Variants in TMEM87B observed in about 807,000 individuals in gnomAD.
TMEM87B encodes the protein transmembrane protein 87B.
A neutral mutation model predicts 80.3 loss-of-function variants in TMEM87B; 83 were observed. The ratio of observed to expected loss-of-function variants is 1.03; its 90% CI spans 0.87 to 1.24. TMEM87B has a LOEUF of 1.24. TMEM87B is among the 50% of genes most tolerant of loss of function. The probability of loss-of-function intolerance (pLI) is 0.00; values close to 1 mark genes in which losing one functional copy is unlikely to be tolerated. For missense variants in TMEM87B, 625 were observed against 674.4 expected, an observed-to-expected ratio of 0.93 and a Z score of 0.81; for synonymous variants, 219 against 230.5, an observed-to-expected ratio of 0.95 and a Z score of 0.45.
chr2:112,071,071 C>T (rs1344443455), intron 4 of TMEM87B, among the ~76,000 whole-genome samples: 20 of 151,888 alleles, frequency 1.3e-4, no homozygotes, highest in Admixed American at 2.0e-4. Flanking sequence ...ATGATCCACC[C>T]GCCTCGGCCT....
At chr2:112,079,968 C>T in intron 6 of TMEM87B, among the ~76,000 whole-genome samples, 1 of 121,846 alleles carries the variant, frequency 8.2e-6, no homozygotes, top group Admixed American at 1.1e-4. Flanking sequence ...TTCGCTCTGT[C>T]ACCCAGGCTG....
At chr2:112,083,064 A>C (rs1679046744) in intron 8 of TMEM87B, among the ~76,000 whole-genome samples, 1 of 152,256 alleles carries the variant, frequency 6.6e-6, no homozygotes, top group Non-Finnish European at 1.5e-5. Flanking sequence ...TGTCTTGCCC[A>C]GCATTGATCT....
At chr2:112,068,198 G>C (rs972211261) in intron 4 of TMEM87B, among the ~76,000 whole-genome samples, 4 of 152,260 alleles carry the variant, frequency 2.6e-5, no homozygotes, top group African/African-American at 9.6e-5. Context: ...TGGGGGACAA[G>C]AGCGAGACTC....
At chr2:112,076,351 T>G (rs1678813684) in intron 5 of TMEM87B, among the ~76,000 whole-genome samples, 1 of 151,906 alleles carries the variant, frequency 6.6e-6, no homozygotes, top group African/African-American at 2.4e-5. Context: ...AAAAAAGAGG[T>G]TTTTTTGAGA....
rs1332703060 is a variant in TMEM87B at position 112,118,112 on chromosome 2, C to T, written c.*1969C>T. On this transcript the variant is annotated 3_prime_UTR_variant, in exon 19 of 19. Coordinates refer to ENST00000283206, the MANE Select transcript of TMEM87B (RefSeq NM_032824.3). ...AAGCAGAATTCCCTCCTAGTAACCT[C>T]ATTACAAATACTGTTACTAGAAGGG... 3 of 152,166 alleles carry T rather than the reference C, an allele frequency of 2.0e-5. No individual in the cohort carries two copies. Among genetic ancestry groups the T allele is most frequent in the African/African-American group, 7.2e-5 (3 of 41,424 alleles). 9.4% of individuals were successfully genotyped at this position (152,166 alleles called of 1,614,324 possible).
chr2:112,090,712 T>C (rs1407861409), intron 10 of TMEM87B, among the ~76,000 whole-genome samples: 1 of 152,228 alleles, frequency 6.6e-6, no homozygotes, highest in Non-Finnish European at 1.5e-5. Context: ...ATTACAGATA[T>C]GAGCTACCAC....
intron 11 of TMEM87B, chr2:112,095,592 T>C: frequency 1.7e-6 from 1 of 604,708 alleles, no homozygotes; most frequent in African/African-American, 2.0e-5. Flanking sequence ...TAAAGTATAT[T>C]TGCATTTTTA....
intron 8 of TMEM87B, among the ~76,000 whole-genome samples, chr2:112,085,550 C>T (rs1011753406): frequency 6.6e-6 from 1 of 152,206 alleles, no homozygotes; most frequent in African/African-American, 2.4e-5. Context: ...AGAGTACAAG[C>T]TCCATGAAGG....
intron 4 of TMEM87B, among the ~76,000 whole-genome samples, chr2:112,072,895 CTTTT>C (rs71226782): frequency 8.4e-5 from 7 of 83,014 alleles, no homozygotes; most frequent in Non-Finnish European, 1.6e-4. Context: ...AACTCTTCTT[CTTTT>C]TTTTTTTTTT....
chr2:112,059,977 A>G lies in TMEM87B; in HGVS notation c.166A>G (p.Lys56Glu), dbSNP rs748113413. The change falls in exon 2 of 19, where the codon AAA (lysine) becomes GAA (glutamate). Residue 56 changes from lysine (K) to glutamate (E), a missense_variant and splice_region_variant. Coordinates refer to ENST00000283206, the MANE Select transcript of TMEM87B (RefSeq NM_032824.3). Reference sequence around the variant, plus strand: ...TTCCTGTGTTTGTTTTTCATTTTAGAAATCAGGACCTTTGATATTTAGGAA... The same window carrying G: ...TTCCTGTGTTTGTTTTTCATTTTAGGAATCAGGACCTTTGATATTTAGGAA... ...LGLWLETVND[K>E]SGPLIFRKTM... 5.0e-6 allele frequency: 8 copies of G among 1,593,218 alleles called. No homozygotes were observed. Among genetic ancestry groups the G allele is most frequent in the Non-Finnish European group, 6.0e-6 (7 of 1,167,308 alleles).
intron 9 of TMEM87B, among the ~76,000 whole-genome samples, chr2:112,088,146 C>G (rs1679201903): frequency 1.3e-5 from 2 of 152,316 alleles, no homozygotes; most frequent in Admixed American, 1.3e-4. Context: ...ATCCTGGAAG[C>G]CTTTATCCCC....
At chr2:112,092,977 C>A (rs899005688) in intron 11 of TMEM87B, among the ~76,000 whole-genome samples, 5 of 152,128 alleles carry the variant, frequency 3.3e-5, no homozygotes, top group Non-Finnish European at 7.3e-5. Flanking sequence ...TTGCCAAGTT[C>A]TTTGTTTCCT....
chr2:112,079,104 T>G (rs1049999851), intron 6 of TMEM87B, among the ~76,000 whole-genome samples: 7 of 152,212 alleles, frequency 4.6e-5, no homozygotes, highest in African/African-American at 1.7e-4. Flanking sequence ...CCCAAATGCT[T>G]AACATTTTTT....
intron 1 of TMEM87B, among the ~76,000 whole-genome samples, chr2:112,057,223 G>A (rs1476314884): frequency 6.6e-6 from 1 of 152,212 alleles, no homozygotes; most frequent in Non-Finnish European, 1.5e-5. Flanking sequence ...CAGGAAAGGA[G>A]AGTGGGGCTT....
At chr2:112,093,084 C>T (rs1174027826) in intron 11 of TMEM87B, among the ~76,000 whole-genome samples, 1 of 152,050 alleles carries the variant, frequency 6.6e-6, no homozygotes, top group African/African-American at 2.4e-5. Flanking sequence ...CTATGTGTCT[C>T]ATAGGAAGGG....
At chr2:112,066,136 T>A (rs962111953) in intron 3 of TMEM87B, among the ~76,000 whole-genome samples, 4 of 152,212 alleles carry the variant, frequency 2.6e-5, no homozygotes, top group Non-Finnish European at 5.9e-5. Context: ...TTCAGCCACT[T>A]GTTTTAGCAT....
Position 112,055,722 on chromosome 2 carries a change from C to T in TMEM87B, c.131C>T (p.Pro44Leu), listed in dbSNP as rs752310440. The change falls in exon 1 of 19, where the codon CCT becomes CTT. Residue 44 changes from proline to leucine, a missense_variant. Pro to Leu is a moderately conservative substitution (Grantham distance 98). Coordinates refer to ENST00000283206, the MANE Select transcript of TMEM87B (RefSeq NM_032824.3). ...ACCCCGGCGGCTGTGCGCGCGGTCCCTGAGCTCGGGCTCTGGTTAGAGACA... is the reference window on the plus strand; with the variant it reads ...ACCCCGGCGGCTGTGCGCGCGGTCCTTGAGCTCGGGCTCTGGTTAGAGACA... ...CWTPAAVRAVPELGLWLETVN... is the reference protein window; with the variant it reads ...CWTPAAVRAVLELGLWLETVN... The T allele has an allele frequency of 2.0e-6, 3 of 1,532,686 alleles. No individual in the cohort carries two copies. The highest frequency in any genetic ancestry group is 4.3e-5 in the Admixed American group (2 of 46,460). The allele number at this position is 1,532,686 out of a possible 1,614,324, so 94.9% of individuals were successfully genotyped here.
At chr2:112,097,400 A>G (rs761752353) in intron 13 of TMEM87B, 109 bp downstream of exon 13, 1 of 1,014,278 alleles carries the variant, frequency 9.9e-7, no homozygotes, top group East Asian at 2.8e-5. Flanking sequence ...ATGGAGATTT[A>G]TGTTTTTACT....
At chr2:112,102,414 C>T (rs1679654951) in intron 15 of TMEM87B, among the ~76,000 whole-genome samples, 1 of 152,172 alleles carries the variant, frequency 6.6e-6, no homozygotes, top group Non-Finnish European at 1.5e-5. Flanking sequence ...ACAAATAAGG[C>T]TGGGTGCGGT....
Sources: gnomAD v4.1 joint callset for allele counts (sites outside exome capture counted in the v4.1 genomes callset) on GRCh38, gnomAD v4.1.1 for gene constraint, MANE v1.5 for transcripts, NCBI Gene and HGNC (gene_info 2026-07-23, HGNC 2026-07-21) for gene names.